SLC39A3: variants seen among roughly 807,000 people sequenced by gnomAD.
SLC39A3 encodes solute carrier family 39 member 3, also known as zinc transporter ZIP3.
A neutral mutation model predicts 5.1 loss-of-function variants in SLC39A3; 3 were observed. That is an observed-to-expected ratio of 0.59 (90% CI 0.27 to 1.54). The LOEUF is 1.54. Among genes scored for constraint, SLC39A3 ranks in the 40% most tolerant of loss-of-function variants. The pLI, the probability that SLC39A3 is intolerant of heterozygous loss-of-function variation, is 0.12. For synonymous variants in SLC39A3, 250 were observed against 218.8 expected, an observed-to-expected ratio of 1.14 and a Z score of -1.26; for missense variants, 412 against 436.4, an observed-to-expected ratio of 0.94 and a Z score of 0.50.
Position 2,732,680 on chromosome 19 carries a change from CG to C in SLC39A3, c.*70del, listed in dbSNP as rs1432178856. On this transcript the variant is annotated 3_prime_UTR_variant, in exon 3 of 3. Coordinates refer to ENST00000269740, the MANE Select transcript of SLC39A3 (RefSeq NM_144564.5). ...TGCTCGCTCTTGGGGGACGCGCGGC[CG>C]GGGGACGCGGCCTGTGTCCGGCCCG... is the stretch of plus-strand genomic sequence containing the variant. The C allele has an allele frequency of 3.5e-6, 5 of 1,445,760 alleles. No homozygotes were observed. In the African/African-American group the frequency reaches 5.1e-5, roughly 15 times the overall value. 89.6% of individuals were successfully genotyped at this position (1,445,760 alleles called of 1,614,324 possible).
In SLC39A3 at chr19:2,740,016, A is replaced by T. The variant is rs1276284924; in HGVS notation, c.-194T>A. Reference sequence around the variant, plus strand: ...CGGCCGCGCAGTCTCGACCCCACAGACGCGGCCCGGAGAGGCCCCGCTCGG... The same window carrying T: ...CGGCCGCGCAGTCTCGACCCCACAGTCGCGGCCCGGAGAGGCCCCGCTCGG... On this transcript the variant is annotated 5_prime_UTR_variant, in exon 1 of 3. Transcript: ENST00000269740. 6.6e-6 allele frequency: 1 copy of T among 151,818 alleles called. No homozygotes were observed. The highest frequency in any genetic ancestry group is 1.5e-5 in the Non-Finnish European group (1 of 67,984). The allele number at this position is 151,818 out of a possible 1,614,324, so 9.4% of individuals were successfully genotyped here.
At chr19:2,739,792 C>G (rs1171509976) in intron 1 of SLC39A3, among the ~76,000 whole-genome samples, 153 bp downstream of exon 1, 1 of 152,244 alleles carries the variant, frequency 6.6e-6, no homozygotes, top group Non-Finnish European at 1.5e-5. Context: ...CTCATTCATT[C>G]AATCAGCACT....
intron 2 of SLC39A3, chr19:2,736,631 C>T: frequency 1.1e-6 from 1 of 915,802 alleles, no homozygotes; most frequent in Non-Finnish European, 1.4e-6. Flanking sequence ...GTGCCCAGAC[C>T]CCTGACTCAC....
In SLC39A3 at chr19:2,734,254, C is replaced by T. The variant is rs754252842; in HGVS notation, c.211-769G>A. ...ACAACAGCTCCCTGGAGCCTCGTCA[C>T]GGCAGGGCCAGAGTTCACAGCCACC... On this transcript the variant is annotated intron_variant, in intron 2 of 2. Coordinates refer to ENST00000269740, the MANE Select transcript of SLC39A3 (RefSeq NM_144564.5). The surrounding 1 kb of genome is among the most constrained non-coding windows in gnomAD (Gnocchi z 4.6). Among the ~76,000 whole-genome samples, 1 of 152,250 alleles carries T rather than the reference C, an allele frequency of 6.6e-6. No homozygotes were observed. The highest frequency in any genetic ancestry group is 2.4e-5 in the African/African-American group (1 of 41,468).
At position 2,732,579 on chromosome 19, in the gene SLC39A3, G is replaced by T; in HGVS notation, c.*172C>A. 3 of 1,427,558 alleles carry T rather than the reference G, an allele frequency of 2.1e-6. No homozygotes were observed. Among genetic ancestry groups the T allele is most frequent in the Non-Finnish European group, 2.7e-6 (3 of 1,095,310 alleles). 88.4% of individuals were successfully genotyped at this position (1,427,558 alleles called of 1,614,324 possible). On this transcript the variant is annotated 3_prime_UTR_variant, in exon 3 of 3. Transcript: ENST00000269740. ...TTTTAAAAAGTAGCAGTGCTCTGAGGCTCAGGGTGTAGGATCGGGGGCACA... is the reference window on the plus strand; with the variant it reads ...TTTTAAAAAGTAGCAGTGCTCTGAGTCTCAGGGTGTAGGATCGGGGGCACA...
rs116273149 is a variant in SLC39A3 at position 2,738,400 on chromosome 19, A to G, written c.-122-1021T>C. Among the ~76,000 whole-genome samples, 205 of 152,070 alleles carry G rather than the reference A, an allele frequency of 1.3e-3. 1 individual carries two copies. The highest frequency in any genetic ancestry group is 4.7e-3 in the African/African-American group (197 of 41,476). On this transcript the variant is annotated intron_variant, in intron 1 of 2. Transcript: ENST00000269740. Reference sequence around the variant, plus strand: ...CCATGGCTTCCCCATGCCCCGAAATAAAGTCTAAACTCTGTACCCTGAGGC... The same window carrying G: ...CCATGGCTTCCCCATGCCCCGAAATGAAGTCTAAACTCTGTACCCTGAGGC...
rs1292794114 is a variant in SLC39A3, at chr19:2,733,516, G to C, written c.211-31C>G. 2.5e-6 allele frequency: 4 copies of C among 1,583,734 alleles called. No homozygotes were observed. The East Asian group carries it at 6.7e-5, about 27-fold the overall frequency. On this transcript the variant is annotated intron_variant, in intron 2 of 2. Coordinates refer to ENST00000269740, the MANE Select transcript of SLC39A3 (RefSeq NM_144564.5). This position sits in a 1 kb window ranked among gnomAD's most constrained non-coding sequence, Gnocchi z 6.1. ...GCCGGGGACACCCGAGAGAGAGAGA[G>C]AGACCCACGCTCAGGGGTGGCGGCG...
chr19:2,733,460 TGGCCGA>T lies in SLC39A3; in HGVS notation c.230_235del (p.Leu77_Gly78del). The T allele has an allele frequency of 6.2e-7, 1 of 1,612,338 alleles. No individual in the cohort carries two copies. Among genetic ancestry groups the T allele is most frequent in the South Asian group, 1.1e-5 (1 of 91,060 alleles). Reference sequence around the variant, plus strand: ...GGCCAGCGGGTAGTCGGTGCTGATGTGGCCGAGGCTCAGGACCTTCTGGAGCTGCAG... The same window carrying T: ...GGCCAGCGGGTAGTCGGTGCTGATGTGGCTCAGGACCTTCTGGAGCTGCAG... On this transcript the variant is annotated inframe_deletion, in exon 3 of 3. Coordinates refer to ENST00000269740, the MANE Select transcript of SLC39A3 (RefSeq NM_144564.5). The surrounding 1 kb of genome is among the most constrained non-coding windows in gnomAD (Gnocchi z 6.1).
rs1914227710 is a variant in SLC39A3, at chr19:2,732,606, C to A, written c.*145G>T. ...TCAGGGTGTAGGATCGGGGGCACAG[C>A]CTGGTCCCGGGAGGCCCCTTGTGCA... is the stretch of plus-strand genomic sequence containing the variant. On this transcript the variant is annotated 3_prime_UTR_variant, in exon 3 of 3. Coordinates refer to ENST00000269740, the MANE Select transcript of SLC39A3 (RefSeq NM_144564.5). 7.0e-7 allele frequency: 1 copy of A among 1,418,712 alleles called. No individual in the cohort carries two copies. Among genetic ancestry groups the A allele is most frequent in the Admixed American group, 3.0e-5 (1 of 33,264 alleles). The allele number at this position is 1,418,712 out of a possible 1,614,324, so 87.9% of individuals were successfully genotyped here. A position where few individuals can be genotyped will look rare whatever the true frequency, so the allele number is the denominator to read the frequency against.
chr19:2,735,256 G>A lies in SLC39A3; in HGVS notation c.211-1771C>T, dbSNP rs568689902. 58 of 980,082 alleles carry A rather than the reference G, an allele frequency of 5.9e-5. No individual in the cohort carries two copies. In the African/African-American group the frequency reaches 8.4e-4, roughly 14 times the overall value. The allele number at this position is 980,082 out of a possible 1,614,324, so 60.7% of individuals were successfully genotyped here. On this transcript the variant is annotated intron_variant, in intron 2 of 2. Coordinates refer to ENST00000269740, the MANE Select transcript of SLC39A3 (RefSeq NM_144564.5). This position sits in a 1 kb window ranked among gnomAD's most constrained non-coding sequence, Gnocchi z 5.7. ...GCAGATGTCAGTCTTCACACACCGCGTAACGAACGAATGCAGACTCAGCCA... is the reference window on the plus strand; with the variant it reads ...GCAGATGTCAGTCTTCACACACCGCATAACGAACGAATGCAGACTCAGCCA...
chr19:2,736,881 G>C, intron 2 of SLC39A3, 167 bp downstream of exon 2: 1 of 1,507,270 alleles, frequency 6.6e-7, no homozygotes, highest in Admixed American at 2.1e-5. Context: ...AGAGCACAGA[G>C]ACAGAAAGTA....
At chr19:2,736,255 T>C in intron 2 of SLC39A3, 5 of 939,526 alleles carry the variant, frequency 5.3e-6, no homozygotes, top group Middle Eastern at 5.4e-4. Context: ...TCCTGGCCAC[T>C]TGAGTATGGG....
chr19:2,734,625 AG>A lies in SLC39A3; in HGVS notation c.211-1141del. On this transcript the variant is annotated intron_variant, in intron 2 of 2. Coordinates refer to ENST00000269740, the MANE Select transcript of SLC39A3 (RefSeq NM_144564.5). The surrounding 1 kb of genome is among the most constrained non-coding windows in gnomAD (Gnocchi z 4.6). ...GGGACGGGGCCGTCCTGGGCACTGC[AG>A]GGTGCTGCTGAGCAGTGTCTCTGGC... 1.9e-6 allele frequency: 1 copy of A among 536,022 alleles called. No homozygotes were observed. Among genetic ancestry groups the A allele is most frequent in the Admixed American group, 6.4e-5 (1 of 15,738 alleles). The allele number at this position is 536,022 out of a possible 1,614,324, so 33.2% of individuals were successfully genotyped here. A position where few individuals can be genotyped will look rare whatever the true frequency, so the allele number is the denominator to read the frequency against.
In SLC39A3 at chr19:2,735,225, C is replaced by T. The variant is rs1350194988; in HGVS notation, c.211-1740G>A. ...CAGAGATGACCAAGATCTCCATCCT[C>T]GCAGTGCAGATGTCAGTCTTCACAC... On this transcript the variant is annotated intron_variant, in intron 2 of 2. Coordinates refer to ENST00000269740, the MANE Select transcript of SLC39A3 (RefSeq NM_144564.5). This position sits in a 1 kb window ranked among gnomAD's most constrained non-coding sequence, Gnocchi z 5.7. 5 of 985,448 alleles carry T rather than the reference C, an allele frequency of 5.1e-6. No homozygotes were observed. The highest frequency in any genetic ancestry group is 3.6e-6 in the Non-Finnish European group (3 of 829,922). The allele number at this position is 985,448 out of a possible 1,614,324, so 61.0% of individuals were successfully genotyped here.
chr19:2,736,254 C>G (rs1055928365), intron 2 of SLC39A3: 1 of 942,184 alleles, frequency 1.1e-6, no homozygotes, highest in Non-Finnish European at 1.3e-6. Flanking sequence ...GTCCTGGCCA[C>G]TTGAGTATGG....
At chr19:2,736,657 A>G in intron 2 of SLC39A3, 1 of 1,162,674 alleles carries the variant, frequency 8.6e-7, no homozygotes, top group Non-Finnish European at 1.1e-6. Flanking sequence ...CTGTGAGATG[A>G]TAAACGTCTG....
Position 2,732,721 on chromosome 19 carries a change from CT to C in SLC39A3, c.*29del, listed in dbSNP as rs1417673920. 6.6e-7 allele frequency: 1 copy of C among 1,510,532 alleles called. No homozygotes were observed. The highest frequency in any genetic ancestry group is 1.4e-5 in the African/African-American group (1 of 69,852). 93.6% of individuals were successfully genotyped at this position (1,510,532 alleles called of 1,614,324 possible). ...TGTCCGGCCCGGGGCTCCCGGCGGG[CT>C]CCGGCGGCAGGGACAATGGCGAGGC... On this transcript the variant is annotated 3_prime_UTR_variant, in exon 3 of 3. Coordinates refer to ENST00000269740, the MANE Select transcript of SLC39A3 (RefSeq NM_144564.5).
chr19:2,732,974 G>A lies in SLC39A3; in HGVS notation c.722C>T (p.Pro241Leu). The change falls in exon 3 of 3, where the codon CCC (proline) becomes CTC (leucine). Residue 241 changes from proline to leucine, a missense_variant. Transcript: ENST00000269740. Reference sequence around the variant, plus strand: ...GCCCAGGCCCAGGCCGATGCCCAGGGGGATCATGGCGCTTACGGTGACCGC... The same window carrying A: ...GCCCAGGCCCAGGCCGATGCCCAGGAGGATCATGGCGCTTACGGTGACCGC... ...KLAVTVSAMI[P>L]LGIGLGLGIE... 6.2e-7 allele frequency: 1 copy of A among 1,602,558 alleles called. No individual in the cohort carries two copies. The highest frequency in any genetic ancestry group is 8.5e-7 in the Non-Finnish European group (1 of 1,173,526).
chr19:2,736,724 T>A (rs940437906), intron 2 of SLC39A3: 3 of 1,417,202 alleles, frequency 2.1e-6, no homozygotes, highest in African/African-American at 1.4e-5. Context: ...CTGACTGATA[T>A]AGGAACCGAA....
Sources: gnomAD v4.1 joint callset for allele counts (sites outside exome capture counted in the v4.1 genomes callset) on GRCh38, gnomAD v4.1.1 for gene constraint, Gnocchi (gnomAD v3.1) non-coding constraint, MANE v1.5 for transcripts, NCBI Gene and HGNC (gene_info 2026-07-23, HGNC 2026-07-21) for gene names.